The following ISG20 variants were observed in gnomAD, a reference collection of about 807,000 sequenced individuals.
The protein encoded by ISG20 is interferon-stimulated gene 20 kDa protein.
Under a neutral mutation model 11.1 loss-of-function variants are expected in ISG20, and 8 were observed. The ratio of observed to expected loss-of-function variants is 0.72; its 90% CI spans 0.42 to 1.30. The LOEUF (loss-of-function observed/expected upper bound fraction) is 1.30, where lower values mean the gene tolerates loss of function less well. ISG20 is among the 50% of genes most tolerant of loss of function. The pLI, the probability that ISG20 is intolerant of heterozygous loss-of-function variation, is 0.01. For missense variants in ISG20, 243 were observed against 250.2 expected, an observed-to-expected ratio of 0.97 and a Z score of 0.19; for synonymous variants, 110 against 101.7, an observed-to-expected ratio of 1.08 and a Z score of -0.49.
At chr15:88,645,780 C>T (rs529106012) in intron 2 of ISG20, among the ~76,000 whole-genome samples, 2 of 152,276 alleles carry the variant, frequency 1.3e-5, no homozygotes, top group South Asian at 2.1e-4. Flanking sequence ...TGCCCACCAT[C>T]GCTGCCCCAC....
In ISG20 at chr15:88,639,571, C is replaced by A; in HGVS notation, c.205C>A (p.Pro69Thr). 6.2e-7 allele frequency: 1 copy of A among 1,614,104 alleles called. No individual in the cohort carries two copies. Among genetic ancestry groups the A allele is most frequent in the Non-Finnish European group, 8.5e-7 (1 of 1,179,978 alleles). ...VTPQHMVGAT[P>T]FAVARLEILQ... ...CCCTCAGCACATGGTGGGGGCCACA[C>A]CATTTGCCGTGGCCAGGCTAGAGGT... The change falls in exon 2 of 4, where the codon CCA (proline) becomes ACA (threonine). Residue 69 changes from proline (P) to threonine (T), a missense_variant. By Grantham distance (38) the Pro-to-Thr change is conservative. Transcript: ENST00000306072. This position sits in a 1 kb window ranked among gnomAD's most constrained non-coding sequence, Gnocchi z 4.2.
In ISG20 at chr15:88,643,274, A is replaced by G. The variant is rs2058112481; in HGVS notation, c.228+3680A>G. 6.6e-6 allele frequency among the ~76,000 whole-genome samples: 1 copy of G among 152,116 alleles called. No homozygotes were observed. Among genetic ancestry groups the G allele is most frequent in the Non-Finnish European group, 1.5e-5 (1 of 68,018 alleles). On this transcript the variant is annotated intron_variant, in intron 2 of 3. Transcript: ENST00000306072. The surrounding 1 kb of genome is among the most constrained non-coding windows in gnomAD (Gnocchi z 4.4). ...ATTAAAATATTAAAAAGAGCCATAA[A>G]ATGTCTCAATAACTTTTATATTGAT...
intron 2 of ISG20, among the ~76,000 whole-genome samples, chr15:88,641,504 C>T (rs928239573): frequency 2.6e-5 from 4 of 152,102 alleles, no homozygotes; most frequent in Non-Finnish European, 5.9e-5. Context: ...GTTCCCTGCC[C>T]CTCTCCCAGA....
rs1451229153 is a variant in ISG20, at chr15:88,643,254, A to C, written c.228+3660A>C. On this transcript the variant is annotated intron_variant, in intron 2 of 3. Transcript: ENST00000306072. This position sits in a 1 kb window ranked among gnomAD's most constrained non-coding sequence, Gnocchi z 4.4. ...TCTATTAAAAAATAATAATAATTAA[A>C]ATATTAAAAAGAGCCATAAAATGTC... 6.6e-6 allele frequency among the ~76,000 whole-genome samples: 1 copy of C among 152,068 alleles called. No homozygotes were observed. Among genetic ancestry groups the C allele is most frequent in the African/African-American group, 2.4e-5 (1 of 41,422 alleles).
chr15:88,643,463 G>A lies in ISG20; in HGVS notation c.228+3869G>A, dbSNP rs554424885. Among the ~76,000 whole-genome samples the A allele has an allele frequency of 6.6e-6, 1 of 152,256 alleles. No homozygotes were observed. The highest frequency in any genetic ancestry group is 6.5e-5 in the Admixed American group (1 of 15,288). Reference sequence around the variant, plus strand: ...TCACACCTGTAATCTCAGCACTTTGGGAGGCTGAGGCAGGTGGATCACTTG... The same window carrying A: ...TCACACCTGTAATCTCAGCACTTTGAGAGGCTGAGGCAGGTGGATCACTTG... On this transcript the variant is annotated intron_variant, in intron 2 of 3. Transcript: ENST00000306072. This position sits in a 1 kb window ranked among gnomAD's most constrained non-coding sequence, Gnocchi z 4.4.
Position 88,646,368 on chromosome 15 carries a change from T to C in ISG20, c.229-5742T>C, listed in dbSNP as rs1047742139. Among the ~76,000 whole-genome samples the C allele has an allele frequency of 7.2e-5, 11 of 152,230 alleles. 1 individual carries two copies. The highest frequency in any genetic ancestry group is 2.4e-4 in the African/African-American group (10 of 41,460). ...CTGAGTAAGCTGTCCAAGGAAGGGA[T>C]AGAGCAGAGACTCAGATTCTGGCTC... On this transcript the variant is annotated intron_variant, in intron 2 of 3. Coordinates refer to ENST00000306072, the MANE Select transcript of ISG20 (RefSeq NM_002201.6).
chr15:88,651,113 A>G, intron 2 of ISG20: 1 of 784,022 alleles, frequency 1.3e-6, no homozygotes, highest in Non-Finnish European at 1.5e-6. Flanking sequence ...GTCAGAAGTC[A>G]TACAGGCCAG....
chr15:88,637,581 A>G (rs1217161109), upstream of ISG20, among the ~76,000 whole-genome samples: 3 of 152,148 alleles, frequency 2.0e-5, no homozygotes, highest in African/African-American at 4.8e-5. Context: ...TAAGAATTAG[A>G]GGCAGCTCAG....
rs960386882 is a variant in ISG20 at position 88,641,650 on chromosome 15, G to C, written c.228+2056G>C. Among the ~76,000 whole-genome samples the C allele has an allele frequency of 2.6e-5, 4 of 151,776 alleles. No homozygotes were observed. The East Asian group carries it at 7.8e-4, about 30-fold the overall frequency. On this transcript the variant is annotated intron_variant, in intron 2 of 3. Transcript: ENST00000306072. ...CTTTTTATTTTTATTTTTTATTTTT[G>C]AGATGGAGTCTTGCTCTGTCGCCCA...
chr15:88,651,900 G>A, intron 2 of ISG20: 15 of 1,407,286 alleles, frequency 1.1e-5, no homozygotes, highest in Non-Finnish European at 1.4e-5. Flanking sequence ...AGTCCAGGTG[G>A]GCTTTTGGCA....
intron 2 of ISG20, chr15:88,647,654 T>TC (rs1485087132): frequency 6.6e-6 from 1 of 152,258 alleles, no homozygotes; most frequent in Non-Finnish European, 1.5e-5. Flanking sequence ...AAATCACTGC[T>TC]CAGATTCATG....
In ISG20 at chr15:88,655,564, G is replaced by C; in HGVS notation, c.*33G>C. On this transcript the variant is annotated 3_prime_UTR_variant, in exon 4 of 4. Coordinates refer to ENST00000306072, the MANE Select transcript of ISG20 (RefSeq NM_002201.6). ...TCCAGCCCGTTCCGCAGGGACTAGA[G>C]GCTTTCGGCTTTTTGGGACAGCAAC... is the stretch of plus-strand genomic sequence containing the variant. The C allele has an allele frequency of 6.6e-7, 1 of 1,520,200 alleles. No homozygotes were observed. The highest frequency in any genetic ancestry group is 1.4e-5 in the African/African-American group (1 of 71,684). The allele number at this position is 1,520,200 out of a possible 1,614,324, so 94.2% of individuals were successfully genotyped here.
chr15:88,656,405 A>C lies in ISG20; in HGVS notation c.*874A>C, dbSNP rs1486022258. ...ACCAGAGCTGTCCCTGATCGCTAGA[A>C]TCAACGGCAGAATTCTTGTTATTTT... On this transcript the variant is annotated 3_prime_UTR_variant, in exon 4 of 4. Coordinates refer to ENST00000306072, the MANE Select transcript of ISG20 (RefSeq NM_002201.6). The C allele has an allele frequency of 6.6e-6, 1 of 152,124 alleles. No individual in the cohort carries two copies. Among genetic ancestry groups the C allele is most frequent in the Non-Finnish European group, 1.5e-5 (1 of 68,022 alleles). The allele number at this position is 152,124 out of a possible 1,614,324, so 9.4% of individuals were successfully genotyped here. A position where few individuals can be genotyped will look rare whatever the true frequency, so the allele number is the denominator to read the frequency against.
At position 88,653,007 on chromosome 15, in the gene ISG20, T is replaced by C. The variant is rs184841253; in HGVS notation, c.429+697T>C. 9.3e-4 allele frequency among the ~76,000 whole-genome samples: 142 copies of C among 151,882 alleles called. 1 individual carries two copies. Among genetic ancestry groups the C allele is most frequent in the Admixed American group, 2.6e-3 (40 of 15,260 alleles). On this transcript the variant is annotated intron_variant, in intron 3 of 3. Coordinates refer to ENST00000306072, the MANE Select transcript of ISG20 (RefSeq NM_002201.6). ...TGGGCAAAGCAGGCAGGAAAAGGCATACGGATATGGGGGGTTGGGAGTTCA... is the reference window on the plus strand; with the variant it reads ...TGGGCAAAGCAGGCAGGAAAAGGCACACGGATATGGGGGGTTGGGAGTTCA...
chr15:88,636,588 G>C (rs1197536912), upstream of ISG20, among the ~76,000 whole-genome samples: 1 of 152,218 alleles, frequency 6.6e-6, no homozygotes, highest in Non-Finnish European at 1.5e-5. Context: ...TCCCTATGCT[G>C]TCCAGGCTGG....
At chr15:88,644,504 C>T (rs369601910) in intron 2 of ISG20, among the ~76,000 whole-genome samples, 30 of 145,932 alleles carry the variant, frequency 2.1e-4, no homozygotes, top group Non-Finnish European at 4.0e-4. Flanking sequence ...TGCACTCCAG[C>T]CTGGGCGACA....
intron 2 of ISG20, chr15:88,648,438 G>A (rs1259096823): frequency 6.6e-6 from 1 of 152,284 alleles, no homozygotes; most frequent in African/African-American, 2.4e-5. Flanking sequence ...TGGAAACACA[G>A]TGGAAGGTGT....
chr15:88,650,484 G>A lies in ISG20; in HGVS notation c.229-1626G>A, dbSNP rs142966906. 2.6e-4 allele frequency: 365 copies of A among 1,422,206 alleles called. 6 individuals carry two copies. In the East Asian group the frequency reaches 7.6e-3, roughly 30 times the overall value. The allele number at this position is 1,422,206 out of a possible 1,614,324, so 88.1% of individuals were successfully genotyped here. On this transcript the variant is annotated intron_variant, in intron 2 of 3. Coordinates refer to ENST00000306072, the MANE Select transcript of ISG20 (RefSeq NM_002201.6). The surrounding 1 kb of genome is among the most constrained non-coding windows in gnomAD (Gnocchi z 4.0). ...GGCCTGGCTTTGCCACTAACTAGCC[G>A]TGTGACTGTCCCAGTTATCAAATGG...
rs1411855029 is a variant in ISG20 at position 88,650,565 on chromosome 15, G to A, written c.229-1545G>A. On this transcript the variant is annotated intron_variant, in intron 2 of 3. Coordinates refer to ENST00000306072, the MANE Select transcript of ISG20 (RefSeq NM_002201.6). This position sits in a 1 kb window ranked among gnomAD's most constrained non-coding sequence, Gnocchi z 4.0. ...TTCAAACAATGTCAATACTTATTTC[G>A]CTCGGCCACCTGCAGTTTGGGCAGG... is the stretch of plus-strand genomic sequence containing the variant. 9 of 945,730 alleles carry A rather than the reference G, an allele frequency of 9.5e-6. No homozygotes were observed. Among genetic ancestry groups the A allele is most frequent in the East Asian group, 4.2e-5 (1 of 23,862 alleles). 58.6% of individuals were successfully genotyped at this position (945,730 alleles called of 1,614,324 possible). A position where few individuals can be genotyped will look rare whatever the true frequency, so the allele number is the denominator to read the frequency against.
Sources: gnomAD v4.1 joint callset for allele counts (sites outside exome capture counted in the v4.1 genomes callset) on GRCh38, gnomAD v4.1.1 for gene constraint, Gnocchi (gnomAD v3.1) non-coding constraint, MANE v1.5 for transcripts, NCBI Gene and HGNC (gene_info 2026-07-23, HGNC 2026-07-21) for gene names.